The following MEIOC variants were observed in gnomAD, a reference collection of about 807,000 sequenced individuals.
MEIOC encodes the protein meiosis specific with coiled-coil domain.
In MEIOC, 9 loss-of-function variants were observed where a neutral mutation model predicts 85.3. The observed-to-expected ratio is 0.11, with a 90% CI of 0.06 to 0.18. The LOEUF (loss-of-function observed/expected upper bound fraction) is 0.18, where lower values mean the gene tolerates loss of function less well. Among genes scored for constraint, MEIOC ranks in the 10% least tolerant of loss-of-function variants. The pLI is 1.00. For synonymous variants in MEIOC, 365 were observed against 393.7 expected, an observed-to-expected ratio of 0.93 and a Z score of 0.86; for missense variants, 898 against 1,129.4, an observed-to-expected ratio of 0.80 and a Z score of 2.94.
At chr17:44,671,547 CAA>C (rs201226549) in intron 6 of MEIOC, among the ~76,000 whole-genome samples, 28 of 112,664 alleles carry the variant, frequency 2.5e-4, no homozygotes, top group African/African-American at 2.0e-4. Flanking sequence ...GACCCTGTCT[CAA>C]AAAAAAAAAA....
chr17:44,666,708 T>C lies in MEIOC; in HGVS notation c.797T>C (p.Ile266Thr), dbSNP rs369691539. 117 of 1,612,944 alleles carry C rather than the reference T, an allele frequency of 7.3e-5. No individual in the cohort carries two copies. The highest frequency in any genetic ancestry group is 9.2e-5 in the Non-Finnish European group (108 of 1,179,496). The change falls in exon 5 of 8, where the codon ATC becomes ACC. Residue 266 changes from isoleucine (I) to threonine (T), a missense_variant. By Grantham distance (89) the Ile-to-Thr change is moderately conservative (BLOSUM62 -1). Coordinates refer to ENST00000409122, the MANE Select transcript of MEIOC (RefSeq NM_001145080.3). ...ACAACATTCCAAGAATATCCACTTA[T>C]CAAAAACTGTTTTACACCCCAAACT... is the stretch of plus-strand genomic sequence containing the variant. ...AKTTFQEYPL[I>T]KNCFTPQTGL...
In MEIOC at chr17:44,667,860, G is replaced by C; in HGVS notation, c.1949G>C (p.Arg650Thr). ...SQGHSNSHRTRGGDNSRVNRT... is the reference protein window; with the variant it reads ...SQGHSNSHRTTGGDNSRVNRT... ...GGTCATTCTAATAGCCACAGAACGA[G>C]AGGTGGAGACAATAGCCGTGTGAAT... Residue 650 changes from arginine to threonine, a missense_variant, in exon 5 of 8, where the codon AGA becomes ACA. Physicochemically the swap from Arg to Thr is moderately conservative, Grantham distance 71. Around this residue, in one of 2 missense-constraint regions of MEIOC, gnomAD observed 734 missense variants for 860.1 expected, o/e 0.85. Transcript: ENST00000409122. 6.2e-7 allele frequency: 1 copy of C among 1,613,970 alleles called. No individual in the cohort carries two copies. Among genetic ancestry groups the C allele is most frequent in the Non-Finnish European group, 8.5e-7 (1 of 1,179,878 alleles).
downstream of MEIOC, chr17:44,676,166 T>C (rs1379518173): frequency 6.6e-6 from 1 of 152,222 alleles, no homozygotes; most frequent in African/African-American, 2.4e-5. Context: ...ATTTTTAAAT[T>C]AGTCGGTTGT....
rs116245285 is a variant in MEIOC at position 44,658,877 on chromosome 17, A to G, written c.204+1616A>G. 1.4e-3 allele frequency among the ~76,000 whole-genome samples: 216 copies of G among 152,230 alleles called. 1 individual carries two copies. Among genetic ancestry groups the G allele is most frequent in the African/African-American group, 5.2e-3 (215 of 41,564 alleles). On this transcript the variant is annotated intron_variant, in intron 2 of 7. Coordinates refer to ENST00000409122, the MANE Select transcript of MEIOC (RefSeq NM_001145080.3). ...GTTTCCATCTTGTCCTTAGCATAAC[A>G]TAATTCCAGAAATGTAAGAAAATCC...
chr17:44,663,742 A>G (rs1468002300), intron 3 of MEIOC, among the ~76,000 whole-genome samples: 1 of 152,180 alleles, frequency 6.6e-6, no homozygotes, highest in Non-Finnish European at 1.5e-5. Flanking sequence ...GATATATACT[A>G]ATACATAATT....
At chr17:44,659,471 C>A (rs1390094470) in intron 2 of MEIOC, among the ~76,000 whole-genome samples, 1 of 152,190 alleles carries the variant, frequency 6.6e-6, no homozygotes, top group African/African-American at 2.4e-5. Flanking sequence ...TATTTCCTGG[C>A]CTCTGTTAAC....
rs1419441542 is a variant in MEIOC at position 44,672,233 on chromosome 17, C to T, written c.2458-1133C>T. ...CTGATCTCAAATGATCCGCCCGCCT[C>T]GGCCTCCCCAAAGTGCTGGGATTAC... On this transcript the variant is annotated intron_variant, in intron 6 of 7. Transcript: ENST00000409122. 3.9e-5 allele frequency among the ~76,000 whole-genome samples: 6 copies of T among 152,162 alleles called. No homozygotes were observed. In the South Asian group the frequency reaches 8.3e-4, roughly 21 times the overall value.
chr17:44,669,554 T>C (rs1247542900), intron 6 of MEIOC, 37 bp downstream of exon 6: 5 of 1,550,080 alleles, frequency 3.2e-6, no homozygotes, highest in Admixed American at 2.0e-5. Context: ...GATGGATTTT[T>C]TGTTAAATTT....
rs771339910 is a variant in MEIOC at position 44,666,609 on chromosome 17, A to C, written c.698A>C (p.Glu233Ala). Residue 233 changes from glutamate (E) to alanine (A), a missense_variant, in exon 5 of 8, where the codon GAA (glutamate) becomes GCA (alanine). Transcript: ENST00000409122. ...LHHGFTGLDL[E>A]EQWMYPSRSD... ...CATGGATTTACTGGTTTAGATCTTG[A>C]AGAACAATGGATGTACCCCTCACGA... 8 of 1,611,046 alleles carry C rather than the reference A, an allele frequency of 5.0e-6. No individual in the cohort carries two copies. In the Middle Eastern group the frequency reaches 4.9e-4, roughly 99 times the overall value.
At chr17:44,672,629 A>C (rs1308630373) in intron 6 of MEIOC, among the ~76,000 whole-genome samples, 1 of 152,188 alleles carries the variant, frequency 6.6e-6, no homozygotes, top group African/African-American at 2.4e-5. Context: ...TTCAAATTGC[A>C]ATTATTCAAA....
In MEIOC at chr17:44,667,866, G is replaced by A. The variant is rs1971932510; in HGVS notation, c.1955G>A (p.Gly652Glu). 1.2e-6 allele frequency: 2 copies of A among 1,613,944 alleles called. No homozygotes were observed. Among genetic ancestry groups the A allele is most frequent in the African/African-American group, 1.3e-5 (1 of 75,044 alleles). The change falls in exon 5 of 8, where the codon GGA (glycine) becomes GAA (glutamate). Residue 652 changes from glycine to glutamate, a missense_variant. This residue lies in a region of MEIOC where 734 missense variants were observed against 860.1 expected (regional missense o/e 0.85). Transcript: ENST00000409122. ...GHSNSHRTRG[G>E]DNSRVNRTQV... ...TCTAATAGCCACAGAACGAGAGGTGGAGACAATAGCCGTGTGAATCGCACA... is the reference window on the plus strand; with the variant it reads ...TCTAATAGCCACAGAACGAGAGGTGAAGACAATAGCCGTGTGAATCGCACA...
chr17:44,656,734 C>A, intron 1 of MEIOC, 52 bp downstream of exon 1: 1 of 1,383,762 alleles, frequency 7.2e-7, no homozygotes, highest in South Asian at 1.4e-5. Context: ...TTGCAAGAGG[C>A]GACGAGGAGG....
intron 2 of MEIOC, among the ~76,000 whole-genome samples, chr17:44,659,972 T>C (rs575091993): frequency 5.3e-5 from 8 of 152,296 alleles, no homozygotes; most frequent in African/African-American, 1.9e-4. Context: ...ACAGAAAAAT[T>C]ATAATGTGTG....
At chr17:44,668,272 C>T in intron 5 of MEIOC, 39 bp downstream of exon 5, 2 of 1,513,130 alleles carry the variant, frequency 1.3e-6, no homozygotes, top group African/African-American at 2.8e-5. Flanking sequence ...ACAGTATGTT[C>T]CTTTTGCCTG....
Position 44,667,697 on chromosome 17 carries a change from A to C in MEIOC, c.1786A>C (p.Lys596Gln), listed in dbSNP as rs140317874. 1.2e-4 allele frequency: 188 copies of C among 1,613,542 alleles called. No homozygotes were observed. The African/African-American group carries it at 2.1e-3, about 18-fold the overall frequency. The stretch of plus-strand genomic sequence containing the variant: ...ATTTTGTGATAACTATTCAGCTCAG[A>C]AGTATGGGATAATTGAAAATGTAAA... ...NGFCDNYSAQ[K>Q]YGIIENVNKH... The change falls in exon 5 of 8, where the codon AAG (lysine) becomes CAG (glutamine). Residue 596 changes from lysine to glutamine, a missense_variant. Coordinates refer to ENST00000409122, the MANE Select transcript of MEIOC (RefSeq NM_001145080.3).
chr17:44,675,100 C>G lies in MEIOC; in HGVS notation c.*904C>G, dbSNP rs1482510281. ...TATTTTTTTAAAGGTTAATCTCTAA[C>G]TAGTTTAGCTTGCAATTGGTTAGTG... On this transcript the variant is annotated 3_prime_UTR_variant, in exon 8 of 8. Coordinates refer to ENST00000409122, the MANE Select transcript of MEIOC (RefSeq NM_001145080.3). 4.1e-6 allele frequency: 4 copies of G among 984,952 alleles called. No homozygotes were observed. The highest frequency in any genetic ancestry group is 6.2e-5 in the Admixed American group (1 of 16,234). The allele number at this position is 984,952 out of a possible 1,614,324, so 61.0% of individuals were successfully genotyped here. A position where few individuals can be genotyped will look rare whatever the true frequency, so the allele number is the denominator to read the frequency against.
chr17:44,665,114 C>T (rs1800886137), intron 3 of MEIOC: 2 of 1,009,266 alleles, frequency 2.0e-6, no homozygotes, highest in Non-Finnish European at 2.4e-6. Context: ...AAAATGAAAA[C>T]CATGTGTTGT....
At chr17:44,663,509 T>C (rs1215580675) in intron 3 of MEIOC, among the ~76,000 whole-genome samples, 4 of 152,166 alleles carry the variant, frequency 2.6e-5, no homozygotes, top group African/African-American at 9.7e-5. Context: ...TTAGAAAGTC[T>C]ACGTAATACA....
chr17:44,659,282 G>C (rs2144656784), intron 2 of MEIOC, among the ~76,000 whole-genome samples: 1 of 152,224 alleles, frequency 6.6e-6, no homozygotes, highest in South Asian at 2.1e-4. Flanking sequence ...CTTGATTTGT[G>C]CCCTAAATGA....
Sources: gnomAD v4.1 joint callset for allele counts (sites outside exome capture counted in the v4.1 genomes callset) on GRCh38, gnomAD v4.1.1 for gene constraint, gnomAD v4.1.1 regional missense constraint, MANE v1.5 for transcripts, NCBI Gene and HGNC (gene_info 2026-07-23, HGNC 2026-07-21) for gene names.